Variants in ELMO1 observed in about 807,000 individuals in gnomAD.
ELMO1 encodes engulfment and cell motility protein 1.
A neutral mutation model predicts 98.9 loss-of-function variants in ELMO1; 26 were observed. The ratio of observed to expected loss-of-function variants is 0.26; its 90% CI spans 0.19 to 0.36. ELMO1 has a LOEUF of 0.36. Ranked by LOEUF, ELMO1 falls within the 10% of genes least tolerant of loss-of-function variation. The pLI, the probability that ELMO1 is intolerant of heterozygous loss-of-function variation, is 1.00. For synonymous variants in ELMO1, 346 were observed against 346.0 expected, an observed-to-expected ratio of 1.00 and a Z score of 0.00; for missense variants, 627 against 935.2, an observed-to-expected ratio of 0.67 and a Z score of 4.30.
chr7:37,028,466 A>T (rs1010568167), intron 15 of ELMO1, among the ~76,000 whole-genome samples: 3 of 152,226 alleles, frequency 2.0e-5, no homozygotes, highest in African/African-American at 7.2e-5. Flanking sequence ...TCCATGGCAG[A>T]CATGTATTCC....
intron 1 of ELMO1, among the ~76,000 whole-genome samples, chr7:37,417,695 A>C (rs535305112): frequency 4.7e-4 from 55 of 117,828 alleles, no homozygotes; most frequent in African/African-American, 1.4e-3. Flanking sequence ...AGCAAAAATT[A>C]GCTGGGTGTG....
At chr7:37,132,972 G>T (rs1227733926) in intron 14 of ELMO1, 158 bp downstream of exon 14, 8 of 465,942 alleles carry the variant, frequency 1.7e-5, no homozygotes, top group Admixed American at 4.2e-5. Context: ...TCCCCTGATT[G>T]ATCTCACTTA....
At chr7:37,188,444 A>ACG (rs1584782678) in intron 13 of ELMO1, among the ~76,000 whole-genome samples, 4 of 13,020 alleles carry the variant, frequency 3.1e-4, no homozygotes, top group African/African-American at 9.4e-4. Context: ...ACACACACAC[A>ACG]CACACACGCA....
intron 1 of ELMO1, among the ~76,000 whole-genome samples, chr7:37,422,648 C>T (rs186427055): frequency 1.3e-5 from 2 of 152,294 alleles, no homozygotes; most frequent in Non-Finnish European, 2.9e-5. Flanking sequence ...GCAGGCAACA[C>T]TTGCCTTCCT....
At chr7:37,278,583 A>G (rs1796977576) in intron 4 of ELMO1, among the ~76,000 whole-genome samples, 1 of 152,218 alleles carries the variant, frequency 6.6e-6, no homozygotes, top group Non-Finnish European at 1.5e-5. Context: ...ACCTGTGGAC[A>G]GTAGATAGCA....
intron 13 of ELMO1, among the ~76,000 whole-genome samples, chr7:37,199,566 A>C (rs543798796): frequency 8.5e-4 from 129 of 152,230 alleles, no homozygotes; most frequent in Middle Eastern, 3.4e-3. Flanking sequence ...AGCAATAAGT[A>C]CTCCTCCTTG....
At chr7:37,013,536 T>A (rs1232491722) in intron 15 of ELMO1, 101 bp from the exon 16 acceptor site, 8 of 1,386,378 alleles carry the variant, frequency 5.8e-6, no homozygotes, top group Non-Finnish European at 7.9e-6. Context: ...AGCGGAGGTA[T>A]CTTTGGTTCA....
intron 15 of ELMO1, among the ~76,000 whole-genome samples, chr7:37,094,575 TGGGGATC>T (rs1784278109): frequency 6.6e-6 from 1 of 152,134 alleles, no homozygotes; most frequent in African/African-American, 2.4e-5. Flanking sequence ...ACCCACTGGA[TGGGGATC>T]CACTGACCCA....
chr7:37,031,795 A>G (rs1794897498), intron 15 of ELMO1, among the ~76,000 whole-genome samples: 2 of 152,198 alleles, frequency 1.3e-5, no homozygotes, highest in African/African-American at 4.8e-5. Flanking sequence ...TCTTGAAGTC[A>G]CCACATTCAA....
At chr7:37,379,580 G>A (rs549305489) in intron 1 of ELMO1, among the ~76,000 whole-genome samples, 1 of 152,138 alleles carries the variant, frequency 6.6e-6, no homozygotes, top group African/African-American at 2.4e-5. Context: ...TCATAGAACT[G>A]GTCATAATTT....
chr7:37,390,872 T>A (rs1803038913), intron 1 of ELMO1, among the ~76,000 whole-genome samples: 1 of 152,190 alleles, frequency 6.6e-6, no homozygotes, highest in Non-Finnish European at 1.5e-5. Flanking sequence ...GGCACACAGG[T>A]GGCTGGGGCA....
chr7:37,351,185 AGAG>A (rs1400961668), intron 1 of ELMO1: 1 of 152,284 alleles, frequency 6.6e-6, no homozygotes, highest in Non-Finnish European at 1.5e-5. Flanking sequence ...GGAACAATAC[AGAG>A]AAGATTAGCA....
chr7:36,922,897 C>T lies in ELMO1; in HGVS notation c.1438-27880G>A, dbSNP rs181374335. On this transcript the variant is annotated intron_variant, in intron 16 of 21. Coordinates refer to ENST00000310758, the MANE Select transcript of ELMO1 (RefSeq NM_014800.11). ...GTGTTCAGAGTCTCCCAATGCACCTCCTGTCTTTCTTAAAGGTGACGATGA... is the reference window on the plus strand; with the variant it reads ...GTGTTCAGAGTCTCCCAATGCACCTTCTGTCTTTCTTAAAGGTGACGATGA... Among the ~76,000 whole-genome samples, 304 of 152,334 alleles carry T rather than the reference C, an allele frequency of 2.0e-3. 1 individual carries two copies. Among genetic ancestry groups the T allele is most frequent in the Non-Finnish European group, 3.4e-3 (230 of 68,036 alleles).
At chr7:36,953,141 T>C (rs1788133128) in intron 16 of ELMO1, among the ~76,000 whole-genome samples, 1 of 151,980 alleles carries the variant, frequency 6.6e-6, no homozygotes, top group African/African-American at 2.4e-5. Flanking sequence ...AATTTTTTTG[T>C]ATTTTCAGTA....
chr7:37,073,679 T>C (rs567993853), intron 15 of ELMO1, among the ~76,000 whole-genome samples: 1 of 151,938 alleles, frequency 6.6e-6, no homozygotes, highest in South Asian at 2.1e-4. Flanking sequence ...CACGAACATA[T>C]CATAGTTCAC....
intron 6 of ELMO1, among the ~76,000 whole-genome samples, chr7:37,249,319 T>C (rs978333886): frequency 5.9e-5 from 9 of 152,218 alleles, no homozygotes; most frequent in Admixed American, 5.2e-4. Context: ...CACACAGCAC[T>C]AGACTTTTCC....
chr7:37,425,087 T>C (rs1804646302), intron 1 of ELMO1, among the ~76,000 whole-genome samples: 1 of 152,178 alleles, frequency 6.6e-6, no homozygotes, highest in African/African-American at 2.4e-5. Context: ...ATGGTTTTCT[T>C]AGTCAATTCA....
intron 10 of ELMO1, among the ~76,000 whole-genome samples, chr7:37,219,267 G>GCA (rs759266889): frequency 1.3e-5 from 2 of 152,312 alleles, no homozygotes; most frequent in Non-Finnish European, 2.9e-5. Flanking sequence ...GGAAAAAACA[G>GCA]CACAGGTCCT....
intron 1 of ELMO1, among the ~76,000 whole-genome samples, chr7:37,388,626 A>G (rs1435727514): frequency 6.6e-6 from 1 of 151,070 alleles, no homozygotes; most frequent in Non-Finnish European, 1.5e-5. Flanking sequence ...TCATGTGCAA[A>G]AAAAAAAAAA....
Sources: gnomAD v4.1 joint callset for allele counts (sites outside exome capture counted in the v4.1 genomes callset) on GRCh38, gnomAD v4.1.1 for gene constraint, MANE v1.5 for transcripts, NCBI Gene and HGNC (gene_info 2026-07-23, HGNC 2026-07-21) for gene names.